RSF1: variants seen among roughly 807,000 people sequenced by gnomAD.
RSF1 encodes the protein remodeling and spacing factor 1.
Under a neutral mutation model 145.2 loss-of-function variants are expected in RSF1, and 13 were observed. The ratio of observed to expected loss-of-function variants is 0.09; its 90% CI spans 0.06 to 0.14. RSF1 has a LOEUF of 0.14. Among genes scored for constraint, RSF1 ranks in the 10% least tolerant of loss-of-function variants. The pLI is 1.00. For missense variants in RSF1, 1,517 were observed against 1,718.2 expected (o/e 0.88, Z 2.07); for synonymous variants, 577 against 592.6 (o/e 0.97, Z 0.38).
At chr11:77,854,482 CAAAG>C in the RSF1 span, among the ~76,000 whole-genome samples, 3 of 152,290 alleles carry the variant, frequency 2.0e-5, no homozygotes, top group East Asian at 5.8e-4. Flanking sequence ...TTATCCAAAA[CAAAG>C]AAGCTACAGG....
intron 1 of RSF1, among the ~76,000 whole-genome samples, chr11:77,794,937 A>G (rs1022442751): frequency 6.6e-6 from 1 of 152,208 alleles, no homozygotes; most frequent in Non-Finnish European, 1.5e-5. Context: ...AGATGATATG[A>G]CCCTGTAATT....
intron 1 of RSF1, among the ~76,000 whole-genome samples, chr11:77,796,198 A>T (rs928587513): frequency 2.6e-5 from 4 of 152,172 alleles, no homozygotes; most frequent in African/African-American, 4.8e-5. Context: ...CCTGGCAGAG[A>T]CACAACAAAA....
upstream of RSF1, among the ~76,000 whole-genome samples, chr11:77,821,668 T>G (rs975518341): frequency 6.6e-6 from 1 of 151,388 alleles, no homozygotes; most frequent in African/African-American, 2.4e-5. Context: ...AGGCGGAACA[T>G]GACAGGAGAC....
intron 5 of RSF1, among the ~76,000 whole-genome samples, chr11:77,704,775 G>A (rs187681682): frequency 1.6e-3 from 195 of 120,856 alleles, no homozygotes; most frequent in Non-Finnish European, 1.6e-3. Flanking sequence ...TTTTTGAGAC[G>A]AAGTTTCGCT....
At chr11:77,728,000 C>T (rs1961100015) in intron 4 of RSF1, among the ~76,000 whole-genome samples, 1 of 152,170 alleles carries the variant, frequency 6.6e-6, no homozygotes, top group East Asian at 1.9e-4. Context: ...TGAATTCCCT[C>T]AAATCACATC....
At chr11:77,749,719 T>C (rs1323156701) in intron 2 of RSF1, among the ~76,000 whole-genome samples, 1 of 152,168 alleles carries the variant, frequency 6.6e-6, no homozygotes. Context: ...TAGGGTACAT[T>C]TGTTTTGCAG....
intron 2 of RSF1, among the ~76,000 whole-genome samples, chr11:77,759,856 A>T (rs772815854): frequency 0.021 from 8 of 390 alleles, no homozygotes; most frequent in Admixed American, 0.077. Flanking sequence ...GATGCATGTT[A>T]AAAAAAAAAA....
At chr11:77,671,616 A>G (rs1323807823) in intron 15 of RSF1, among the ~76,000 whole-genome samples, 2 of 148,600 alleles carry the variant, frequency 1.3e-5, no homozygotes, top group Non-Finnish European at 3.0e-5. Context: ...TATCTCAAAG[A>G]TACTACTGGT....
At chr11:77,804,688 C>G (rs1160961149) in intron 1 of RSF1, among the ~76,000 whole-genome samples, 1 of 152,034 alleles carries the variant, frequency 6.6e-6, no homozygotes. Context: ...AAAAAATTAG[C>G]TGAGTATGGT....
chr11:77,812,493 T>C (rs1948741106), intron 1 of RSF1, among the ~76,000 whole-genome samples: 2 of 152,212 alleles, frequency 1.3e-5, no homozygotes, highest in South Asian at 4.1e-4. Context: ...ATATACATTA[T>C]ATACTTCATG....
At position 77,666,793 on chromosome 11, in the gene RSF1, A is replaced by C. The variant is rs989598082; in HGVS notation, c.*124T>G. 10 of 707,160 alleles carry C rather than the reference A, an allele frequency of 1.4e-5. No homozygotes were observed. In the Admixed American group the frequency reaches 3.3e-4, roughly 23 times the overall value. 43.8% of individuals were successfully genotyped at this position (707,160 alleles called of 1,614,324 possible). ...CAGAAAGACTTCAGGATTTGTTGAA[A>C]TTTTTCTTCTAAAAGTCATTCTGTA... On this transcript the variant is annotated 3_prime_UTR_variant, in exon 16 of 16. Transcript: ENST00000308488.
At chr11:77,832,540 G>A in the RSF1 span, among the ~76,000 whole-genome samples, 1 of 151,888 alleles carries the variant, frequency 6.6e-6, no homozygotes, top group African/African-American at 2.4e-5. Context: ...TGGTCAGGCT[G>A]GTCTGAAACT....
At chr11:77,727,002 A>T (rs1323966128) in intron 4 of RSF1, among the ~76,000 whole-genome samples, 1 of 152,234 alleles carries the variant, frequency 6.6e-6, no homozygotes, top group African/African-American at 2.4e-5. Flanking sequence ...AAAAATCAGA[A>T]ATTAAAATGA....
rs1369453381 is a variant in RSF1 at position 77,754,836 on chromosome 11, G to C, written c.280-7708C>G. 2.0e-5 allele frequency among the ~76,000 whole-genome samples: 3 copies of C among 150,632 alleles called. No homozygotes were observed. In the East Asian group the frequency reaches 6.0e-4, roughly 30 times the overall value. ...TGTGTAGTCCCAGCCTGGTATAGCG[G>C]TACACATCTATAATCCTAGCTACTA... On this transcript the variant is annotated intron_variant, in intron 2 of 15. Coordinates refer to ENST00000308488, the MANE Select transcript of RSF1 (RefSeq NM_016578.4).
At chr11:77,829,903 C>T in the RSF1 span, 26,357 of 152,086 alleles carry the variant, frequency 0.17, 2,722 homozygotes, top group African/African-American at 0.26. Context: ...AGACCAAGGC[C>T]GGAGGATCAC....
At chr11:77,769,006 T>A (rs1352238740) in intron 1 of RSF1, among the ~76,000 whole-genome samples, 1 of 152,208 alleles carries the variant, frequency 6.6e-6, no homozygotes, top group Non-Finnish European at 1.5e-5. Context: ...ATCTTAAATT[T>A]TAATAAACAC....
the RSF1 span, chr11:77,872,151 C>T: frequency 1.2e-6 from 2 of 1,606,484 alleles, no homozygotes; most frequent in South Asian, 1.1e-5. Flanking sequence ...CCCCTACTTA[C>T]TCATCTCTTT....
the RSF1 span, among the ~76,000 whole-genome samples, chr11:77,861,213 G>A: frequency 6.6e-6 from 1 of 152,172 alleles, no homozygotes; most frequent in Non-Finnish European, 1.5e-5. Context: ...GGTGTATAAT[G>A]GCCCCTGCTT....
At chr11:77,799,546 T>A (rs1048852986) in intron 1 of RSF1, among the ~76,000 whole-genome samples, 1 of 151,670 alleles carries the variant, frequency 6.6e-6, no homozygotes, top group African/African-American at 2.4e-5. Flanking sequence ...TAGACAATAT[T>A]GTGTAACCAT....
Sources: gnomAD v4.1 joint callset for allele counts (sites outside exome capture counted in the v4.1 genomes callset) on GRCh38, gnomAD v4.1.1 for gene constraint, MANE v1.5 for transcripts, NCBI Gene and HGNC (gene_info 2026-07-23, HGNC 2026-07-21) for gene names.